Variants in CEP70 observed in about 807,000 individuals in gnomAD.
CEP70 encodes the protein centrosomal protein 70, also known as centrosomal protein of 70 kDa.
In CEP70, 70 loss-of-function variants were observed where a neutral mutation model predicts 90.9. The observed-to-expected ratio is 0.77, with a 90% CI of 0.64 to 0.94. The LOEUF (loss-of-function observed/expected upper bound fraction) is 0.94. Ranked by LOEUF, CEP70 falls within the 40% of genes least tolerant of loss-of-function variation. The probability of loss-of-function intolerance (pLI) is 0.00; values close to 1 mark genes in which losing one functional copy is unlikely to be tolerated. For missense variants in CEP70, 648 were observed against 669.0 expected (o/e 0.97, Z 0.35); for synonymous variants, 220 against 228.3 (o/e 0.96, Z 0.33).
intron 13 of CEP70, among the ~76,000 whole-genome samples, chr3:138,504,123 G>C (rs2034764648): frequency 6.6e-6 from 1 of 152,044 alleles, no homozygotes; most frequent in Non-Finnish European, 1.5e-5. Context: ...CCTCCTACTG[G>C]GAGAACCCTC....
chr3:138,572,253 T>C (rs1185480616), intron 3 of CEP70, among the ~76,000 whole-genome samples: 2 of 152,186 alleles, frequency 1.3e-5, no homozygotes, highest in African/African-American at 4.8e-5. Context: ...ACTCTCAAAG[T>C]CAAACAAGTC....
chr3:138,555,212 G>A (rs1018532350), intron 6 of CEP70, among the ~76,000 whole-genome samples: 7 of 141,044 alleles, frequency 5.0e-5, no homozygotes, highest in Admixed American at 2.3e-4. Flanking sequence ...GTATGCCATC[G>A]CACTCCAGTC....
chr3:138,521,040 C>T (rs990426986), intron 11 of CEP70, among the ~76,000 whole-genome samples: 20 of 152,322 alleles, frequency 1.3e-4, no homozygotes, highest in African/African-American at 4.8e-4. Flanking sequence ...CAACTCCTGA[C>T]CTCGAGTGAT....
chr3:138,548,804 C>G (rs2039409133), intron 6 of CEP70, among the ~76,000 whole-genome samples: 1 of 152,180 alleles, frequency 6.6e-6, no homozygotes, highest in Non-Finnish European at 1.5e-5. Flanking sequence ...ATCAGGAAAG[C>G]TGAGAAAATC....
At chr3:138,592,564 G>T (rs2042434722) in intron 1 of CEP70, among the ~76,000 whole-genome samples, 1 of 151,066 alleles carries the variant, frequency 6.6e-6, no homozygotes, top group African/African-American at 2.4e-5. Flanking sequence ...AGGAGTCGGG[G>T]GGTAGGAGTC....
intron 6 of CEP70, among the ~76,000 whole-genome samples, chr3:138,547,869 TA>T (rs1243171816): frequency 6.6e-6 from 1 of 152,242 alleles, no homozygotes; most frequent in Non-Finnish European, 1.5e-5. Flanking sequence ...TGTACAATTT[TA>T]AACTTATGAA....
At chr3:138,526,850 AGAT>A (rs935067918) in intron 10 of CEP70, among the ~76,000 whole-genome samples, 5 of 152,218 alleles carry the variant, frequency 3.3e-5, no homozygotes, top group Non-Finnish European at 5.9e-5. Context: ...AAAAGGTATT[AGAT>A]GATGGATATG....
chr3:138,533,149 C>T (rs945253252), intron 7 of CEP70, among the ~76,000 whole-genome samples: 5 of 151,934 alleles, frequency 3.3e-5, no homozygotes, highest in African/African-American at 9.7e-5. Flanking sequence ...GGCGTCGTGG[C>T]GAGTGCCTGT....
In CEP70 at chr3:138,508,594, T is replaced by G. The variant is rs749589519; in HGVS notation, c.945-50A>C. On this transcript the variant is annotated intron_variant, in intron 11 of 17. Transcript: ENST00000264982. ...TAATACAAAATTACTTCCTAGACAC[T>G]GGACCAAGATGATAAACTAAGTCAA... The G allele has an allele frequency of 1.1e-5, 12 of 1,123,890 alleles. No homozygotes were observed. The South Asian group carries it at 1.5e-4, about 14-fold the overall frequency. 69.6% of individuals were successfully genotyped at this position (1,123,890 alleles called of 1,614,324 possible).
intron 6 of CEP70, among the ~76,000 whole-genome samples, chr3:138,567,503 A>C (rs184883188): frequency 6.6e-6 from 1 of 152,354 alleles, no homozygotes; most frequent in Admixed American, 6.5e-5. Flanking sequence ...TTCCTTTATT[A>C]GCCTAAAGGA....
At chr3:138,550,450 G>A (rs551162021) in intron 6 of CEP70, among the ~76,000 whole-genome samples, 4 of 152,230 alleles carry the variant, frequency 2.6e-5, no homozygotes, top group South Asian at 4.2e-4. Flanking sequence ...TGCAACCTCC[G>A]CCTCCCAGGT....
intron 2 of CEP70, among the ~76,000 whole-genome samples, chr3:138,586,543 G>C (rs1359190222): frequency 6.6e-6 from 1 of 152,148 alleles, no homozygotes; most frequent in Non-Finnish European, 1.5e-5. Context: ...GATGGAACTG[G>C]AAGTCATTAT....
In CEP70 at chr3:138,498,033, A is replaced by C; in HGVS notation, c.1730T>G (p.Leu577Ter). The C allele has an allele frequency of 6.2e-7, 1 of 1,612,374 alleles. No homozygotes were observed. Reference sequence around the variant, plus strand: ...ACCATCACCACCAGAGATCTTACCTAAGATTTCAAGTAGATCATTAGTAAA... The same window carrying C: ...ACCATCACCACCAGAGATCTTACCTCAGATTTCAAGTAGATCATTAGTAAA... Reference protein sequence around the residue: ...QAFTNDLLEILEIDDLDAIVP... With the variant: ...QAFTNDLLEI The change falls in exon 17 of 18, where the codon TTA becomes TGA. Residue 577 changes from leucine to a stop codon, truncating the protein, a stop_gained and splice_region_variant. Coordinates refer to ENST00000264982, the MANE Select transcript of CEP70 (RefSeq NM_024491.4). LOFTEE classifies it high-confidence loss of function.
In CEP70 at chr3:138,498,025, T is replaced by A; in HGVS notation, c.1732+6A>T. The A allele has an allele frequency of 6.2e-7, 1 of 1,612,290 alleles. No homozygotes were observed. Among genetic ancestry groups the A allele is most frequent in the Non-Finnish European group, 8.5e-7 (1 of 1,179,390 alleles). Reference sequence around the variant, plus strand: ...AAAATTTCACCATCACCACCAGAGATCTTACCTAAGATTTCAAGTAGATCA... The same window carrying A: ...AAAATTTCACCATCACCACCAGAGAACTTACCTAAGATTTCAAGTAGATCA... On this transcript the variant is annotated splice_donor_region_variant and intron_variant, in intron 17 of 17. Coordinates refer to ENST00000264982, the MANE Select transcript of CEP70 (RefSeq NM_024491.4).
chr3:138,584,041 T>C (rs1277009769), intron 2 of CEP70, among the ~76,000 whole-genome samples: 1 of 151,492 alleles, frequency 6.6e-6, no homozygotes, highest in African/African-American at 2.4e-5. Flanking sequence ...GCCAGACTAA[T>C]GAAGAAAAAA....
At chr3:138,500,070 C>T in intron 16 of CEP70, 40 bp downstream of exon 16, 1 of 1,368,530 alleles carries the variant, frequency 7.3e-7, no homozygotes. Context: ...CCACACCCAG[C>T]CATTCTGGAT....
At chr3:138,532,257 G>C (rs2037895067) in intron 8 of CEP70, among the ~76,000 whole-genome samples, 1 of 152,080 alleles carries the variant, frequency 6.6e-6, no homozygotes, top group Non-Finnish European at 1.5e-5. Flanking sequence ...AATACTTCAA[G>C]AAAATAAAGG....
chr3:138,527,450 T>C (rs2107734697), intron 10 of CEP70, among the ~76,000 whole-genome samples: 1 of 152,056 alleles, frequency 6.6e-6, no homozygotes, highest in African/African-American at 2.4e-5. Context: ...TAATTAACAC[T>C]TTGGGAGGCC....
chr3:138,522,959 G>A (rs1576630938), intron 11 of CEP70, among the ~76,000 whole-genome samples: 1 of 152,054 alleles, frequency 6.6e-6, no homozygotes, highest in Admixed American at 6.5e-5. Flanking sequence ...GATGAACATC[G>A]ATGCAAAAAT....
Sources: allele counts gnomAD v4.1 joint callset (sites outside exome capture counted in the v4.1 genomes callset), GRCh38; gene constraint gnomAD v4.1.1; transcripts MANE v1.5; gene names NCBI Gene and HGNC (gene_info 2026-07-23, HGNC 2026-07-21).